TACR3: variants seen among roughly 807,000 people sequenced by gnomAD.
TACR3 encodes the protein neuromedin-K receptor.
Under a neutral mutation model 35.0 loss-of-function variants are expected in TACR3, and 34 were observed. The ratio of observed to expected loss-of-function variants is 0.97; its 90% CI spans 0.74 to 1.30. The LOEUF (loss-of-function observed/expected upper bound fraction) is 1.30. Among genes scored for constraint, TACR3 ranks in the 50% most tolerant of loss-of-function variants. The pLI is 0.00. For synonymous variants in TACR3, 233 were observed against 221.1 expected (o/e 1.05, Z -0.48); for missense variants, 558 against 591.7 (o/e 0.94, Z 0.59).
At chr4:103,713,309 G>A (rs1051317352) in intron 1 of TACR3, among the ~76,000 whole-genome samples, 13 of 151,748 alleles carry the variant, frequency 8.6e-5, no homozygotes, top group African/African-American at 2.9e-4. Context: ...AATATGATGA[G>A]TTGTCCTTTG....
chr4:103,700,644 G>T (rs1358093536), intron 1 of TACR3, among the ~76,000 whole-genome samples: 3 of 152,114 alleles, frequency 2.0e-5, no homozygotes, highest in African/African-American at 7.2e-5. Context: ...TCTCTTGCCA[G>T]AACTGTCTTT....
At chr4:103,630,235 C>T (rs1578234177) in intron 3 of TACR3, among the ~76,000 whole-genome samples, 1 of 152,096 alleles carries the variant, frequency 6.6e-6, no homozygotes. Flanking sequence ...CATAAAAACC[C>T]TAGAATAAAA....
At chr4:103,598,890 T>C (rs1724114397) in intron 3 of TACR3, among the ~76,000 whole-genome samples, 2 of 152,352 alleles carry the variant, frequency 1.3e-5, no homozygotes, top group East Asian at 3.9e-4. Flanking sequence ...GGTAGCATGA[T>C]GCCTCCAGCT....
chr4:103,644,964 C>T (rs953392099), intron 3 of TACR3, among the ~76,000 whole-genome samples: 1 of 151,660 alleles, frequency 6.6e-6, no homozygotes, highest in African/African-American at 2.4e-5. Flanking sequence ...TTGAACATCT[C>T]CATGATATAT....
At chr4:103,614,836 A>G (rs1724597548) in intron 3 of TACR3, among the ~76,000 whole-genome samples, 2 of 149,500 alleles carry the variant, frequency 1.3e-5, no homozygotes, top group Admixed American at 1.3e-4. Context: ...CTAATTTATA[A>G]TCATATTTTA....
intron 2 of TACR3, among the ~76,000 whole-genome samples, chr4:103,657,923 C>G (rs1725764863): frequency 6.6e-6 from 1 of 150,412 alleles, no homozygotes; most frequent in Non-Finnish European, 1.5e-5. Context: ...ATCAATAACA[C>G]AATGCTTTTC....
intron 3 of TACR3, among the ~76,000 whole-genome samples, chr4:103,602,005 C>T (rs983212012): frequency 9.2e-5 from 14 of 152,244 alleles, no homozygotes; most frequent in Admixed American, 1.3e-4. Context: ...CCAATCTCCC[C>T]GTCACTTTCA....
chr4:103,624,164 T>C (rs1310762870), intron 3 of TACR3: 1 of 152,194 alleles, frequency 6.6e-6, no homozygotes, highest in East Asian at 1.9e-4. Context: ...GCAATTACTG[T>C]TTTCTGTGTT....
At chr4:103,615,242 A>AG (rs1010799162) in intron 3 of TACR3, among the ~76,000 whole-genome samples, 2 of 152,112 alleles carry the variant, frequency 1.3e-5, no homozygotes, top group Non-Finnish European at 2.9e-5. Context: ...TCGTGAGCTG[A>AG]GGGACCATGG....
rs142000279 is a variant in TACR3 at position 103,662,995 on chromosome 4, C to A, written c.549-4592G>T. On this transcript the variant is annotated intron_variant, in intron 1 of 4. Coordinates refer to ENST00000304883, the MANE Select transcript of TACR3 (RefSeq NM_001059.3). ...CAGTGGGTACAGGTGGAAGAAGCAT[C>A]ATATTCTTTAGTAATTACAGGATAC... Among the ~76,000 whole-genome samples, 316 of 152,236 alleles carry A rather than the reference C, an allele frequency of 2.1e-3. 6 individuals are homozygous for A. The highest frequency in any genetic ancestry group is 0.018 in the Admixed American group (275 of 15,288).
intron 3 of TACR3, among the ~76,000 whole-genome samples, chr4:103,601,901 T>A (rs1724211918): frequency 6.6e-6 from 1 of 152,168 alleles, no homozygotes; most frequent in South Asian, 2.1e-4. Flanking sequence ...TTTGTGGTGT[T>A]CTCTGTATAT....
chr4:103,704,021 G>C (rs7438803), intron 1 of TACR3, among the ~76,000 whole-genome samples: 1 of 141,470 alleles, frequency 7.1e-6, no homozygotes, highest in Admixed American at 7.5e-5. Context: ...GGAGAATGGA[G>C]TGAACCCGGC....
At chr4:103,674,281 C>T (rs955556816) in intron 1 of TACR3, among the ~76,000 whole-genome samples, 7 of 150,746 alleles carry the variant, frequency 4.6e-5, no homozygotes, top group African/African-American at 1.5e-4. Flanking sequence ...ATCCAGAGCA[C>T]AATGAATTGT....
rs530371148 is a variant in TACR3 at position 103,602,702 on chromosome 4, C to T, written c.889-11019G>A. Among the ~76,000 whole-genome samples the T allele has an allele frequency of 4.6e-5, 7 of 152,276 alleles. No homozygotes were observed. In the East Asian group the frequency reaches 5.8e-4, roughly 13 times the overall value. ...ATCAGCAGCAGTGGCTGCAGAACAG[C>T]GGATATTGGTGAACCGCAGATGCTG... On this transcript the variant is annotated intron_variant, in intron 3 of 4. Coordinates refer to ENST00000304883, the MANE Select transcript of TACR3 (RefSeq NM_001059.3).
intron 3 of TACR3, among the ~76,000 whole-genome samples, chr4:103,612,821 G>A (rs886925820): frequency 1.5e-4 from 14 of 92,544 alleles, no homozygotes; most frequent in Non-Finnish European, 2.7e-4. Flanking sequence ...GGGAAGCTGT[G>A]TTTTGCATTT....
chr4:103,638,229 T>C (rs1255729364), intron 3 of TACR3, among the ~76,000 whole-genome samples: 1 of 151,496 alleles, frequency 6.6e-6, no homozygotes, highest in African/African-American at 2.4e-5. Context: ...ATGGTACTGG[T>C]ACCAAAACAG....
chr4:103,627,589 G>GCTAA (rs1311326730), intron 3 of TACR3, among the ~76,000 whole-genome samples: 4 of 151,874 alleles, frequency 2.6e-5, no homozygotes, highest in East Asian at 1.9e-4. Context: ...ATCAAGAAGA[G>GCTAA]CTAACTATCC....
chr4:103,625,557 G>A (rs1192339234), intron 3 of TACR3, among the ~76,000 whole-genome samples: 1 of 151,614 alleles, frequency 6.6e-6, no homozygotes, highest in Non-Finnish European at 1.5e-5. Flanking sequence ...AAGAATAAAC[G>A]AGTTAGAATG....
chr4:103,707,520 A>T (rs1722821852), intron 1 of TACR3, among the ~76,000 whole-genome samples: 1 of 152,158 alleles, frequency 6.6e-6, no homozygotes. Flanking sequence ...TCAATAAGAC[A>T]CAGTTCCAAG....
Sources: allele counts gnomAD v4.1 joint callset (sites outside exome capture counted in the v4.1 genomes callset), GRCh38; gene constraint gnomAD v4.1.1; transcripts MANE v1.5; gene names NCBI Gene and HGNC (gene_info 2026-07-23, HGNC 2026-07-21).